Variants in MSN observed in about 807,000 individuals in gnomAD.
MSN encodes the protein epididymis luminal protein 70.
MSN carries 2 observed loss-of-function variants against 48.0 expected under a neutral mutation model. The observed-to-expected ratio is 0.04, with a 90% CI of 0.02 to 0.13. The LOEUF is 0.13. Among genes scored for constraint, MSN ranks in the 10% least tolerant of loss-of-function variants. The pLI is 1.00. For synonymous variants in MSN, 146 were observed against 166.9 expected (o/e 0.87, Z 0.97); for missense variants, 267 against 470.1 (o/e 0.57, Z 3.99).
At chrX:65,639,434 C>T (rs1371806811) in intron 1 of MSN, among the ~76,000 whole-genome samples, 3 of 112,375 alleles carry the variant, frequency 2.7e-5, no homozygotes, top group African/African-American at 6.5e-5. Context: ...CGTGAGCCAC[C>T]GTGCCTGGCC....
At chrX:65,598,654 C>G (rs2070206065) in intron 1 of MSN, among the ~76,000 whole-genome samples, 1 of 111,123 alleles carries the variant, frequency 9.0e-6, no homozygotes, top group Admixed American at 9.6e-5. Context: ...GGACTCAAAC[C>G]CAAGACTAGG....
chrX:65,589,801 C>A (rs1045820457), intron 1 of MSN: 1 of 112,151 alleles, frequency 8.9e-6, no homozygotes, highest in African/African-American at 3.2e-5. Flanking sequence ...CTGAGCCATC[C>A]CCACCTGGCA....
chrX:65,590,846 T>G (rs2148347411), intron 1 of MSN, among the ~76,000 whole-genome samples: 1 of 110,918 alleles, frequency 9.0e-6, no homozygotes, highest in Non-Finnish European at 1.9e-5. Flanking sequence ...AGAACAACGG[T>G]TTTGTTTACC....
In MSN at chrX:65,642,350, GGTGTGTGT is replaced by G. The variant is rs61644801; in HGVS notation, c.-22+53769_-22+53776del. ...AACCAGAATGTAGAGTGTACATTAT[GGTGTGTGT>G]GTGTGTGTGTGTGTGTGTGTGTGTG... On this transcript the variant is annotated intron_variant, in intron 1 of 3. Coordinates refer to the MSN transcript ENST00000609672. Among the ~76,000 whole-genome samples the G allele has an allele frequency of 9.3e-3, 890 of 96,191 alleles. 9 individuals are homozygous for G. The highest frequency in any genetic ancestry group is 0.032 in the African/African-American group (826 of 26,045). The allele number at this position is 96,191 out of a possible 115,157, so 83.5% of individuals were successfully genotyped here.
At chrX:65,704,064 G>C (rs190162643) in intron 1 of MSN, among the ~76,000 whole-genome samples, 1 of 111,839 alleles carries the variant, frequency 8.9e-6, no homozygotes, top group African/African-American at 3.2e-5. Context: ...AGAGGGAATA[G>C]AGCCCTCTTC....
At chrX:65,614,200 T>A (rs767887033) in intron 1 of MSN, among the ~76,000 whole-genome samples, 2 of 111,576 alleles carry the variant, frequency 1.8e-5, no homozygotes, top group African/African-American at 3.3e-5. Flanking sequence ...GTTTTATTTC[T>A]GAGACCTCTG....
intron 1 of MSN, among the ~76,000 whole-genome samples, chrX:65,629,281 G>T (rs920072520): frequency 1.8e-5 from 2 of 110,996 alleles, no homozygotes; most frequent in African/African-American, 6.5e-5. Context: ...GTTCCTCATC[G>T]CCATCTGAGA....
At position 65,722,268 on chromosome X, in the gene MSN, T is replaced by C. The variant is rs963751678; in HGVS notation, c.96+5367T>C. On this transcript the variant is annotated intron_variant, in intron 2 of 12. Transcript: ENST00000360270. ...CTTTCAGGTGGGTGGCTGATGCAGATGCTGCCAAATCTGTAATGGTATCTT... is the reference window on the plus strand; with the variant it reads ...CTTTCAGGTGGGTGGCTGATGCAGACGCTGCCAAATCTGTAATGGTATCTT... 2.7e-5 allele frequency among the ~76,000 whole-genome samples: 3 copies of C among 111,507 alleles called. No individual in the cohort carries two copies. The East Asian group carries it at 8.4e-4, about 31-fold the overall frequency.
chrX:65,629,797 C>T (rs753364528), intron 1 of MSN, among the ~76,000 whole-genome samples: 1 of 112,088 alleles, frequency 8.9e-6, no homozygotes, highest in Non-Finnish European at 1.9e-5. Context: ...CCCACCACAA[C>T]TTGTGGAAAT....
intron 1 of MSN, among the ~76,000 whole-genome samples, chrX:65,626,297 G>A (rs911260146): frequency 8.9e-6 from 1 of 111,772 alleles, no homozygotes. Flanking sequence ...ACTTCCTTGA[G>A]GATGGCTTCT....
intron 2 of MSN, among the ~76,000 whole-genome samples, chrX:65,717,441 G>A (rs750076688): frequency 4.5e-5 from 5 of 111,987 alleles, no homozygotes; most frequent in Admixed American, 9.5e-5. Context: ...CAACATGGGA[G>A]TTGATGGATG....
chrX:65,621,106 G>C (rs1380688699), intron 1 of MSN, among the ~76,000 whole-genome samples: 1 of 109,166 alleles, frequency 9.2e-6, no homozygotes, highest in Non-Finnish European at 1.9e-5. Flanking sequence ...TAGTAGAGAT[G>C]GGGTTTCACC....
intron 1 of MSN, among the ~76,000 whole-genome samples, chrX:65,590,385 G>A (rs1383590539): frequency 1.8e-5 from 2 of 111,278 alleles, no homozygotes; most frequent in Non-Finnish European, 3.8e-5. Context: ...GAAGGCCAGG[G>A]ACTGCAAAAT....
At chrX:65,731,771 G>A (rs1222486693) in intron 5 of MSN, 67 bp from the exon 6 acceptor site, 7 of 1,124,462 alleles carry the variant, frequency 6.2e-6, no homozygotes, top group Non-Finnish European at 8.4e-6. Flanking sequence ...AGAGTAAGCA[G>A]GCTTTCTATC....
chrX:65,634,164 T>A (rs569660010), intron 1 of MSN, among the ~76,000 whole-genome samples: 3 of 112,200 alleles, frequency 2.7e-5, no homozygotes, highest in South Asian at 7.4e-4. Flanking sequence ...CAGAGAGCCA[T>A]TGAAACAGGC....
chrX:65,671,733 C>G (rs1177872375), intron 1 of MSN, among the ~76,000 whole-genome samples: 2 of 111,979 alleles, frequency 1.8e-5, no homozygotes, highest in Non-Finnish European at 3.8e-5. Flanking sequence ...TTTCTTTTAA[C>G]AGCCCTCTGG....
chrX:65,729,543 C>T lies in MSN; in HGVS notation c.298C>T (p.Arg100Cys), dbSNP rs746950857. The T allele has an allele frequency of 1.5e-5, 18 of 1,210,224 alleles. No individual in the cohort carries two copies. The highest frequency in any genetic ancestry group is 1.9e-5 in the Non-Finnish European group (17 of 895,298). ...GGAATTGATTCAGGACATCACTCAG[C>T]GCCTGTTCTTTCTGCAAGTGAAAGA... is the stretch of plus-strand genomic sequence containing the variant. ...SEELIQDITQ[R>C]LFFLQVKEGI... Residue 100 changes from arginine to cysteine, a missense_variant, in exon 4 of 13, where the codon CGC becomes TGC. Around this residue, in one of 5 missense-constraint regions of MSN, gnomAD observed 89 missense variants for 151.0 expected, o/e 0.59. Transcript: ENST00000360270.
chrX:65,693,194 T>C (rs2071193465), intron 1 of MSN, among the ~76,000 whole-genome samples: 1 of 112,015 alleles, frequency 8.9e-6, no homozygotes, highest in Non-Finnish European at 1.9e-5. Context: ...TTGTGTCTCC[T>C]TCCATGTATA....
chrX:65,675,681 A>G (rs1429949268), intron 1 of MSN, among the ~76,000 whole-genome samples: 1 of 110,241 alleles, frequency 9.1e-6, no homozygotes, highest in Non-Finnish European at 1.9e-5. Context: ...TCTGTTGCCC[A>G]GGCTGGAGTG....
Sources: allele counts gnomAD v4.1 joint callset (sites outside exome capture counted in the v4.1 genomes callset), GRCh38; gene constraint gnomAD v4.1.1; regional missense constraint gnomAD v4.1.1; transcripts MANE v1.5; gene names NCBI Gene and HGNC (gene_info 2026-07-23, HGNC 2026-07-21).